PTPRT: variants seen among roughly 807,000 people sequenced by gnomAD.
PTPRT encodes the protein receptor-type tyrosine-protein phosphatase T.
In PTPRT, 56 loss-of-function variants were observed where a neutral mutation model predicts 176.8. That is an observed-to-expected ratio of 0.32 (90% CI 0.26 to 0.40). The LOEUF (loss-of-function observed/expected upper bound fraction) is 0.40, where lower values mean the gene tolerates loss of function less well. Among genes scored for constraint, PTPRT ranks in the 10% least tolerant of loss-of-function variants. The pLI is 1.00. For missense variants in PTPRT, 1,540 were observed against 1,908.2 expected, an observed-to-expected ratio of 0.81 and a Z score of 3.60; for synonymous variants, 783 against 739.0, an observed-to-expected ratio of 1.06 and a Z score of -0.96.
At position 42,169,869 on chromosome 20, in the gene PTPRT, G is replaced by A. The variant is rs554209066; in HGVS notation, c.2492-8327C>T. 2.0e-3 allele frequency among the ~76,000 whole-genome samples: 301 copies of A among 151,760 alleles called. 2 individuals are homozygous for A. Among genetic ancestry groups the A allele is most frequent in the African/African-American group, 6.8e-3 (281 of 41,330 alleles). ...CTGGCTAAGTTCACCGTATGACTTG[G>A]TGGGGGCGGGGGCAGGGAATGACCC... On this transcript the variant is annotated intron_variant, in intron 16 of 30. Coordinates refer to ENST00000373187, the MANE Select transcript of PTPRT (RefSeq NM_007050.6).
rs374216755 is a variant in PTPRT at position 42,910,358 on chromosome 20, T to C, written c.89-24426A>G. On this transcript the variant is annotated intron_variant, in intron 1 of 30. Transcript: ENST00000373187. ...GCCATATCCATGTACCAGGAATTTGTTGGGAAACAGCAACCAGCTCAGTGG... is the reference window on the plus strand; with the variant it reads ...GCCATATCCATGTACCAGGAATTTGCTGGGAAACAGCAACCAGCTCAGTGG... 6.6e-5 allele frequency among the ~76,000 whole-genome samples: 10 copies of C among 152,332 alleles called. No homozygotes were observed. The East Asian group carries it at 1.2e-3, about 18-fold the overall frequency.
At chr20:42,936,724 A>G (rs1000460115) in intron 1 of PTPRT, among the ~76,000 whole-genome samples, 10 of 152,204 alleles carry the variant, frequency 6.6e-5, no homozygotes, top group African/African-American at 2.4e-4. Context: ...GCTTCTGGAT[A>G]TATTTTGGAA....
chr20:43,080,513 G>A (rs1047637274), intron 1 of PTPRT, among the ~76,000 whole-genome samples: 1 of 152,162 alleles, frequency 6.6e-6, no homozygotes, highest in Non-Finnish European at 1.5e-5. Flanking sequence ...ATCACTGTAT[G>A]GTTATTCTCC....
chr20:42,417,525 A>T (rs916643064), intron 9 of PTPRT, among the ~76,000 whole-genome samples: 2 of 151,850 alleles, frequency 1.3e-5, no homozygotes, highest in Non-Finnish European at 2.9e-5. Flanking sequence ...ACAAAATTCA[A>T]TCCTCCAGGA....
intron 1 of PTPRT, among the ~76,000 whole-genome samples, chr20:43,145,509 A>G (rs1172412637): frequency 6.6e-6 from 1 of 152,214 alleles, no homozygotes; most frequent in Non-Finnish European, 1.5e-5. Context: ...TCTATTACAT[A>G]CTGTTAAACC....
intron 12 of PTPRT, among the ~76,000 whole-genome samples, chr20:42,313,236 T>G (rs1198000745): frequency 1.3e-5 from 2 of 152,182 alleles, no homozygotes; most frequent in Non-Finnish European, 1.5e-5. Flanking sequence ...CACCCTTGTT[T>G]AGCATATCAA....
intron 7 of PTPRT, among the ~76,000 whole-genome samples, chr20:42,669,352 T>C (rs974923161): frequency 6.6e-6 from 1 of 152,136 alleles, no homozygotes; most frequent in African/African-American, 2.4e-5. Context: ...AATTTCTCCA[T>C]TGGTCTTTAG....
chr20:43,141,239 C>T (rs1223269054), intron 1 of PTPRT, among the ~76,000 whole-genome samples: 1 of 152,202 alleles, frequency 6.6e-6, no homozygotes, highest in Non-Finnish European at 1.5e-5. Context: ...TTCAAATCGC[C>T]ACCACTTATT....
chr20:42,212,012 C>T (rs7348789), intron 15 of PTPRT, among the ~76,000 whole-genome samples: 47,261 of 140,812 alleles, frequency 0.34, 8,212 homozygotes, highest in Admixed American at 0.36. Flanking sequence ...ATGGATGAAA[C>T]TGGAAAACAT....
intron 17 of PTPRT, among the ~76,000 whole-genome samples, chr20:42,150,550 C>G (rs1989081658): frequency 1.3e-5 from 2 of 152,190 alleles, no homozygotes; most frequent in Admixed American, 1.3e-4. Flanking sequence ...AAGGAGGCAC[C>G]ATTTTACCTG....
intron 9 of PTPRT, among the ~76,000 whole-genome samples, chr20:42,374,403 G>A (rs1290389195): frequency 2.6e-5 from 4 of 152,126 alleles, no homozygotes; most frequent in African/African-American, 7.2e-5. Flanking sequence ...TTTTAAACAC[G>A]CAAGTAAATG....
Position 42,675,461 on chromosome 20 carries a change from G to A in PTPRT, c.1153+2405C>T, listed in dbSNP as rs746110325. On this transcript the variant is annotated intron_variant, in intron 7 of 30. Transcript: ENST00000373187. ...TGCATGAACCAAGTTTTTGTATGTC[G>A]AACCATCAGAAAGCAGAGGTGTAAT... Among the ~76,000 whole-genome samples the A allele has an allele frequency of 5.9e-5, 9 of 152,066 alleles. No homozygotes were observed. In the East Asian group the frequency reaches 1.2e-3, roughly 20 times the overall value.
At chr20:43,124,119 A>T (rs2013360966) in intron 1 of PTPRT, among the ~76,000 whole-genome samples, 1 of 152,240 alleles carries the variant, frequency 6.6e-6, no homozygotes, top group Admixed American at 6.5e-5. Flanking sequence ...ATCTCTGCCA[A>T]GTCTCCTCTC....
At chr20:42,724,763 G>A (rs934858484) in intron 6 of PTPRT, among the ~76,000 whole-genome samples, 10 of 152,106 alleles carry the variant, frequency 6.6e-5, no homozygotes, top group Non-Finnish European at 1.2e-4. Context: ...CTGCCATTAC[G>A]CTCCAGCCTA....
intron 1 of PTPRT, among the ~76,000 whole-genome samples, chr20:43,093,922 C>T (rs1047215669): frequency 6.6e-6 from 1 of 152,108 alleles, no homozygotes; most frequent in African/African-American, 2.4e-5. Flanking sequence ...CTTCTTCCTT[C>T]TCAACCTTCA....
At chr20:42,677,177 T>A (rs1052458167) in intron 7 of PTPRT, among the ~76,000 whole-genome samples, 10 of 151,638 alleles carry the variant, frequency 6.6e-5, no homozygotes, top group Non-Finnish European at 1.5e-4. Context: ...AGGAGGCATT[T>A]AAGACATGGT....
rs559483952 is a variant in PTPRT at position 43,061,975 on chromosome 20, G to A, written c.88+127671C>T. 6.8e-4 allele frequency among the ~76,000 whole-genome samples: 104 copies of A among 152,300 alleles called. 1 individual carries two copies. Among genetic ancestry groups the A allele is most frequent in the African/African-American group, 2.4e-3 (101 of 41,572 alleles). The stretch of plus-strand genomic sequence containing the variant: ...AATGGGTGAAGCTTAAAAACATTAC[G>A]CTGAGCAAAAGCAGATGAACACAAA... On this transcript the variant is annotated intron_variant, in intron 1 of 30. Coordinates refer to ENST00000373187, the MANE Select transcript of PTPRT (RefSeq NM_007050.6).
chr20:42,960,559 T>C (rs1403638482), intron 1 of PTPRT, among the ~76,000 whole-genome samples: 2 of 152,126 alleles, frequency 1.3e-5, no homozygotes, highest in East Asian at 3.9e-4. Context: ...AATAGCAAAA[T>C]ATCTCATGTA....
At chr20:42,260,627 G>A (rs1180696048) in intron 13 of PTPRT, among the ~76,000 whole-genome samples, 1 of 152,134 alleles carries the variant, frequency 6.6e-6, no homozygotes, top group East Asian at 1.9e-4. Context: ...CCAAGGAGAG[G>A]CTTCTCAGGA....
Sources: allele counts gnomAD v4.1 joint callset (sites outside exome capture counted in the v4.1 genomes callset), GRCh38; gene constraint gnomAD v4.1.1; transcripts MANE v1.5; gene names NCBI Gene and HGNC (gene_info 2026-07-23, HGNC 2026-07-21).